Variants in CNIH3 observed in about 807,000 individuals in gnomAD.
CNIH3 encodes the protein protein cornichon homolog 3.
Under a neutral mutation model 24.1 loss-of-function variants are expected in CNIH3, and 14 were observed. That is an observed-to-expected ratio of 0.58 (90% CI 0.38 to 0.91). CNIH3 has a LOEUF of 0.91. Among genes scored for constraint, CNIH3 ranks in the 40% least tolerant of loss-of-function variants. CNIH3 has a pLI of 0.00. For missense variants in CNIH3, 178 were observed against 196.8 expected, an observed-to-expected ratio of 0.90 and a Z score of 0.57; for synonymous variants, 68 against 73.8, an observed-to-expected ratio of 0.92 and a Z score of 0.40.
chr1:224,658,829 T>C (rs1685216136), intron 1 of CNIH3, among the ~76,000 whole-genome samples: 1 of 152,184 alleles, frequency 6.6e-6, no homozygotes, highest in Non-Finnish European at 1.5e-5. Flanking sequence ...TACCTCTGTA[T>C]AGTGTATTAT....
rs756499254 is a variant in CNIH3 at position 224,604,368 on chromosome 1, G to T, written n.402+38104G>T. Among the ~76,000 whole-genome samples the T allele has an allele frequency of 6.6e-6, 1 of 152,122 alleles. No individual in the cohort carries two copies. The highest frequency in any genetic ancestry group is 1.5e-5 in the Non-Finnish European group (1 of 68,028). ...AATATTCTTTCTAGTTTGGTGAAAG[G>T]TTTAGCTTTTTGAAGAGATTCTGTC... On this transcript the variant is annotated intron_variant and non_coding_transcript_variant, in intron 3 of 7. Transcript: ENST00000478120. This position sits in a 1 kb window ranked among gnomAD's most constrained non-coding sequence, Gnocchi z 4.4.
intron 1 of CNIH3, among the ~76,000 whole-genome samples, chr1:224,484,484 A>G (rs1040272373): frequency 1.3e-5 from 2 of 151,896 alleles, no homozygotes; most frequent in African/African-American, 4.8e-5. Context: ...ATTGACTATG[A>G]TATGTGTTGG....
intron 3 of CNIH3, among the ~76,000 whole-genome samples, chr1:224,609,569 A>G (rs1194283417): frequency 6.6e-6 from 1 of 152,200 alleles, no homozygotes; most frequent in Non-Finnish European, 1.5e-5. Context: ...GAAGCAAGAG[A>G]GTAACTTGAT....
chr1:224,729,205 G>C (rs780766082), intron 3 of CNIH3, among the ~76,000 whole-genome samples: 1 of 152,006 alleles, frequency 6.6e-6, no homozygotes, highest in African/African-American at 2.4e-5. Context: ...CAGGTCAGGA[G>C]TTCAAGACCA....
chr1:224,692,846 C>G (rs1686994379), intron 3 of CNIH3, among the ~76,000 whole-genome samples: 1 of 152,092 alleles, frequency 6.6e-6, no homozygotes, highest in African/African-American at 2.4e-5. Context: ...TCGAAACATG[C>G]TCCTTAAGGA....
chr1:224,608,584 ATAGATAACATAACTGG>A (rs1470177962), intron 3 of CNIH3, among the ~76,000 whole-genome samples: 2 of 152,210 alleles, frequency 1.3e-5, no homozygotes, highest in Non-Finnish European at 2.9e-5. Context: ...TCTGGAATCT[ATAGATAACATAACTGG>A]TTAGGTCAGG....
chr1:224,675,703 C>T (rs2125136339), intron 1 of CNIH3, among the ~76,000 whole-genome samples: 1 of 152,294 alleles, frequency 6.6e-6, no homozygotes, highest in Non-Finnish European at 1.5e-5. Flanking sequence ...GTACAGATGA[C>T]AGCTAAGCCC....
At chr1:224,632,177 G>A (rs1263040916) in intron 1 of CNIH3, among the ~76,000 whole-genome samples, 1 of 152,132 alleles carries the variant, frequency 6.6e-6, no homozygotes, top group Non-Finnish European at 1.5e-5. Flanking sequence ...CGAATGGGGC[G>A]CAGGGAGAGA....
At chr1:224,466,978 T>A (rs1359188868) in intron 1 of CNIH3, among the ~76,000 whole-genome samples, 3 of 152,334 alleles carry the variant, frequency 2.0e-5, no homozygotes, top group East Asian at 3.8e-4. Context: ...AGATACTAAA[T>A]CCTTTGTTGG....
chr1:224,642,707 G>T (rs1428489460), intron 1 of CNIH3, among the ~76,000 whole-genome samples: 2 of 152,178 alleles, frequency 1.3e-5, no homozygotes, highest in Admixed American at 6.5e-5. Context: ...TGTAGGTAGA[G>T]ATTTTATTTT....
rs2125061021 is a variant in CNIH3, at chr1:224,617,246, C to T, written c.72C>T (p.Ala24=). 1 of 1,614,008 alleles carries T rather than the reference C, an allele frequency of 6.2e-7. No homozygotes were observed. Among genetic ancestry groups the T allele is most frequent in the Non-Finnish European group, 8.5e-7 (1 of 1,179,962 alleles). Residue 24 remains alanine, a synonymous_variant, in exon 1 of 6, where the codon GCC becomes GCT. Coordinates refer to ENST00000272133, the MANE Select transcript of CNIH3 (RefSeq NM_152495.2). Reference sequence around the variant, plus strand: ...TGTGCGCTGCGCTCATCTTCTTCGCCATCTGGCACGTGAGTAACACGCTTT... The same window carrying T: ...TGTGCGCTGCGCTCATCTTCTTCGCTATCTGGCACGTGAGTAACACGCTTT... ...LVLCAALIFF[A]IWHIIAFDEL... is the part of the protein sequence containing the mutation.
At chr1:224,573,783 A>C (rs1287602474) in intron 4 of CNIH3, among the ~76,000 whole-genome samples, 1 of 152,158 alleles carries the variant, frequency 6.6e-6, no homozygotes, top group African/African-American at 2.4e-5. Flanking sequence ...AGGGTAGGAA[A>C]TGTGTGATAA....
At chr1:224,705,715 G>T (rs999821767) in intron 3 of CNIH3, among the ~76,000 whole-genome samples, 1 of 152,076 alleles carries the variant, frequency 6.6e-6, no homozygotes. Context: ...TGCAGAGAGG[G>T]ATGTCTCTCC....
At chr1:224,500,774 C>T (rs1172618207) in intron 1 of CNIH3, among the ~76,000 whole-genome samples, 3 of 152,196 alleles carry the variant, frequency 2.0e-5, no homozygotes, top group African/African-American at 4.8e-5. Flanking sequence ...TGCACCAACC[C>T]CAGTCGCCAG....
intron 4 of CNIH3, among the ~76,000 whole-genome samples, chr1:224,581,569 G>A (rs1197894220): frequency 6.6e-6 from 1 of 152,134 alleles, no homozygotes; most frequent in Non-Finnish European, 1.5e-5. Flanking sequence ...AGAGCCCAAA[G>A]CGTGTTGGAT....
rs142894778 is a variant in CNIH3 at position 224,678,524 on chromosome 1, G to A, written c.82-2434G>A. 1.9e-3 allele frequency among the ~76,000 whole-genome samples: 287 copies of A among 152,244 alleles called. 1 individual carries two copies. Among genetic ancestry groups the A allele is most frequent in the African/African-American group, 6.4e-3 (264 of 41,522 alleles). On this transcript the variant is annotated intron_variant, in intron 1 of 5. Coordinates refer to ENST00000272133, the MANE Select transcript of CNIH3 (RefSeq NM_152495.2). Reference sequence around the variant, plus strand: ...CGTGGTGGACAATCAGGATGATGAGGCAGCTTAGCGCCAGTTTATGTAAAC... The same window carrying A: ...CGTGGTGGACAATCAGGATGATGAGACAGCTTAGCGCCAGTTTATGTAAAC...
At chr1:224,455,526 C>G (rs1031098376) in intron 1 of CNIH3, among the ~76,000 whole-genome samples, 1 of 152,130 alleles carries the variant, frequency 6.6e-6, no homozygotes, top group Admixed American at 6.5e-5. Flanking sequence ...CAGGATTATC[C>G]AAATGTCACC....
intron 5 of CNIH3, among the ~76,000 whole-genome samples, chr1:224,736,765 G>C (rs1457756899): frequency 6.6e-6 from 1 of 152,176 alleles, no homozygotes; most frequent in Non-Finnish European, 1.5e-5. Flanking sequence ...ACGGTGCCCA[G>C]TGGGTTCACC....
intron 4 of CNIH3, among the ~76,000 whole-genome samples, chr1:224,568,348 G>A (rs1680674916): frequency 6.6e-6 from 1 of 151,970 alleles, no homozygotes; most frequent in African/African-American, 2.4e-5. Context: ...GAAGAAGAAT[G>A]GGCACCTAAT....
Sources: allele counts gnomAD v4.1 joint callset (sites outside exome capture counted in the v4.1 genomes callset), GRCh38; gene constraint gnomAD v4.1.1; non-coding constraint Gnocchi (gnomAD v3.1); transcripts MANE v1.5; gene names NCBI Gene and HGNC (gene_info 2026-07-23, HGNC 2026-07-21).